The following KCTD16 variants were observed in gnomAD, a reference collection of about 807,000 sequenced individuals.
The protein encoded by KCTD16 is potassium channel tetramerization domain containing 16, also known as BTB/POZ domain-containing protein KCTD16.
Under a neutral mutation model 33.2 loss-of-function variants are expected in KCTD16, and 13 were observed. The observed-to-expected ratio is 0.39, with a 90% CI of 0.25 to 0.62. The LOEUF (loss-of-function observed/expected upper bound fraction) is 0.62. Ranked by LOEUF, KCTD16 falls within the 20% of genes least tolerant of loss-of-function variation. The pLI is 0.50. For synonymous variants in KCTD16, 197 were observed against 195.3 expected, an observed-to-expected ratio of 1.01 and a Z score of -0.07; for missense variants, 441 against 525.1, an observed-to-expected ratio of 0.84 and a Z score of 1.57.
chr5:144,463,493 C>G (rs1028141451), intron 3 of KCTD16, among the ~76,000 whole-genome samples: 1 of 152,200 alleles, frequency 6.6e-6, no homozygotes, highest in African/African-American at 2.4e-5. Context: ...AATTCTCACT[C>G]TCCTATCAGA....
chr5:144,305,703 A>G lies in KCTD16; in HGVS notation c.832+98157A>G, dbSNP rs906004913. On this transcript the variant is annotated intron_variant, in intron 3 of 3. Transcript: ENST00000512467. Reference sequence around the variant, plus strand: ...GTGGTGCGCACCTGTACTCCCAGCTACTCAGGAGGCTGAAGCACAAGAACC... The same window carrying G: ...GTGGTGCGCACCTGTACTCCCAGCTGCTCAGGAGGCTGAAGCACAAGAACC... Among the ~76,000 whole-genome samples, 12 of 152,142 alleles carry G rather than the reference A, an allele frequency of 7.9e-5. No individual in the cohort carries two copies. In the South Asian group the frequency reaches 8.3e-4, roughly 10 times the overall value.
chr5:144,338,054 A>G (rs1369274050), intron 3 of KCTD16, among the ~76,000 whole-genome samples: 2 of 152,194 alleles, frequency 1.3e-5, no homozygotes, highest in African/African-American at 4.8e-5. Flanking sequence ...GGGCAATGGA[A>G]CTGAGTTTTT....
At chr5:144,358,090 A>ATTTTTTTTTTTTT (rs539287370) in intron 3 of KCTD16, among the ~76,000 whole-genome samples, 1 of 114,438 alleles carries the variant, frequency 8.7e-6, no homozygotes, top group African/African-American at 3.7e-5. Flanking sequence ...CACCCGGCTA[A>ATTTTTTTTTTTTT]TTTTTTTTTT....
chr5:144,444,264 A>G (rs1462627395), intron 3 of KCTD16, among the ~76,000 whole-genome samples: 2 of 151,748 alleles, frequency 1.3e-5, no homozygotes, highest in South Asian at 2.1e-4. Flanking sequence ...TTCCAATTCA[A>G]ATGAAAGACT....
In KCTD16 at chr5:144,186,190, T is replaced by C. The variant is rs575168920; in HGVS notation, c.-327+11718T>C. Among the ~76,000 whole-genome samples the C allele has an allele frequency of 2.6e-5, 4 of 152,288 alleles. No homozygotes were observed. The East Asian group carries it at 7.7e-4, about 29-fold the overall frequency. The stretch of plus-strand genomic sequence containing the variant: ...AAGAAACAGAATAATTCATCAGTTA[T>C]GCTTGATGTTTGCTACCAGGAAAGA... On this transcript the variant is annotated intron_variant, in intron 2 of 3. Coordinates refer to ENST00000512467, the MANE Select transcript of KCTD16 (RefSeq NM_020768.4).
chr5:144,437,464 A>G (rs1753604379), intron 3 of KCTD16, among the ~76,000 whole-genome samples: 1 of 152,202 alleles, frequency 6.6e-6, no homozygotes, highest in South Asian at 2.1e-4. Flanking sequence ...GGATTAAGAT[A>G]CTTACCTCAT....
intron 3 of KCTD16, among the ~76,000 whole-genome samples, chr5:144,289,303 C>A (rs1183116523): frequency 6.6e-6 from 1 of 152,200 alleles, no homozygotes; most frequent in Non-Finnish European, 1.5e-5. Context: ...TGTTCTGACA[C>A]CCCATGAGAG....
intron 3 of KCTD16, among the ~76,000 whole-genome samples, chr5:144,442,548 C>A (rs1753736978): frequency 6.7e-6 from 1 of 150,334 alleles, no homozygotes; most frequent in African/African-American, 2.5e-5. Flanking sequence ...ACTTTTCCTT[C>A]CTTCTTTTCT....
In KCTD16 at chr5:144,480,471, A is replaced by T. The variant is rs148459519; in HGVS notation, c.*6357A>T. The T allele has an allele frequency of 6.6e-6, 1 of 152,058 alleles. No individual in the cohort carries two copies. The highest frequency in any genetic ancestry group is 1.5e-5 in the Non-Finnish European group (1 of 67,962). 9.4% of individuals were successfully genotyped at this position (152,058 alleles called of 1,614,324 possible). A position where few individuals can be genotyped will look rare whatever the true frequency, so the allele number is the denominator to read the frequency against. ...TGTATTTTTGAAAGCTAAGATAGAC[A>T]TAGAATACATATTAATCATCAGTAG... On this transcript the variant is annotated 3_prime_UTR_variant, in exon 4 of 4. Coordinates refer to ENST00000512467, the MANE Select transcript of KCTD16 (RefSeq NM_020768.4).
At chr5:144,225,755 A>C (rs1753912886) in intron 3 of KCTD16, among the ~76,000 whole-genome samples, 1 of 152,204 alleles carries the variant, frequency 6.6e-6, no homozygotes, top group Admixed American at 6.5e-5. Context: ...GACTAACCTG[A>C]AACTCTGTTT....
At chr5:144,218,873 G>A (rs1753645365) in intron 3 of KCTD16, among the ~76,000 whole-genome samples, 1 of 152,164 alleles carries the variant, frequency 6.6e-6, no homozygotes. Flanking sequence ...TTAAAGCAAG[G>A]AAACATGAAG....
intron 3 of KCTD16, among the ~76,000 whole-genome samples, chr5:144,304,159 G>T (rs1751523646): frequency 6.6e-6 from 1 of 152,162 alleles, no homozygotes; most frequent in South Asian, 2.1e-4. Flanking sequence ...AATCATGTGA[G>T]GATAAAAATT....
chr5:144,243,231 A>G (rs1014540101), intron 3 of KCTD16, among the ~76,000 whole-genome samples: 1 of 152,038 alleles, frequency 6.6e-6, no homozygotes, highest in African/African-American at 2.4e-5. Context: ...TTTGATGTGG[A>G]TCTTGATTAT....
chr5:144,466,974 TA>T (rs1754346604), intron 3 of KCTD16, among the ~76,000 whole-genome samples: 1 of 129,976 alleles, frequency 7.7e-6, no homozygotes, highest in South Asian at 2.3e-4. Flanking sequence ...ATATTATATA[TA>T]ATATATATAA....
intron 3 of KCTD16, among the ~76,000 whole-genome samples, chr5:144,278,359 A>C (rs1039289714): frequency 1.3e-5 from 2 of 151,814 alleles, no homozygotes; most frequent in African/African-American, 4.8e-5. Flanking sequence ...TCATATATAT[A>C]ATTTTCCTTT....
chr5:144,300,712 A>G (rs1246014659), intron 3 of KCTD16, among the ~76,000 whole-genome samples: 2 of 152,158 alleles, frequency 1.3e-5, no homozygotes, highest in Non-Finnish European at 2.9e-5. Flanking sequence ...CTCATAATTG[A>G]TATACAATGT....
At chr5:144,219,266 T>A (rs1160815525) in intron 3 of KCTD16, among the ~76,000 whole-genome samples, 3 of 152,110 alleles carry the variant, frequency 2.0e-5, no homozygotes, top group South Asian at 2.1e-4. Flanking sequence ...CAGGCTGGAG[T>A]ACAGTGGCAT....
chr5:144,351,785 A>G (rs771748202), intron 3 of KCTD16, among the ~76,000 whole-genome samples: 2 of 152,196 alleles, frequency 1.3e-5, no homozygotes, highest in Non-Finnish European at 2.9e-5. Flanking sequence ...TGTTAAGTAA[A>G]CCAGACTCAT....
At chr5:144,436,657 G>A (rs1280477076) in intron 3 of KCTD16, among the ~76,000 whole-genome samples, 3 of 150,178 alleles carry the variant, frequency 2.0e-5, no homozygotes, top group East Asian at 1.9e-4. Flanking sequence ...GTGCTATCTC[G>A]GCTCACTGCA....
Sources: allele counts gnomAD v4.1 joint callset (sites outside exome capture counted in the v4.1 genomes callset), GRCh38; gene constraint gnomAD v4.1.1; transcripts MANE v1.5; gene names NCBI Gene and HGNC (gene_info 2026-07-23, HGNC 2026-07-21).